The following HMCN1 variants were observed in gnomAD, a reference collection of about 807,000 sequenced individuals.
HMCN1 encodes hemicentin 1.
In HMCN1, 321 loss-of-function variants were observed where a neutral mutation model predicts 625.9. The ratio of observed to expected loss-of-function variants is 0.51; its 90% CI spans 0.47 to 0.56. The LOEUF (loss-of-function observed/expected upper bound fraction) is 0.56, where lower values mean the gene tolerates loss of function less well. HMCN1 is among the 20% of genes least tolerant of loss of function. The pLI, the probability that HMCN1 is intolerant of heterozygous loss-of-function variation, is 0.00. For missense variants in HMCN1, 6,588 were observed against 6,887.3 expected (o/e 0.96, Z 1.54); for synonymous variants, 2,425 against 2,417.6 (o/e 1.00, Z -0.09).
intron 32 of HMCN1, 78 bp downstream of exon 32, chr1:186,016,317 T>C (rs997407279): frequency 1.5e-6 from 2 of 1,367,840 alleles, no homozygotes; most frequent in African/African-American, 2.9e-5. Context: ...TTTTTGTTCA[T>C]GCAATAATAA....
At chr1:185,948,714 G>T (rs1407533669) in intron 11 of HMCN1, among the ~76,000 whole-genome samples, 1 of 151,648 alleles carries the variant, frequency 6.6e-6, no homozygotes, top group Non-Finnish European at 1.5e-5. Context: ...CTTGGCTTGG[G>T]CTCAGAGGCC....
rs181950665 is a variant in HMCN1 at position 185,857,019 on chromosome 1, A to G, written c.340-7451A>G. The stretch of plus-strand genomic sequence containing the variant: ...CAGTGCCGTTCCTACACTGTCTTGT[A>G]TTTAGAAAAGACAGCAAGATAATCT... On this transcript the variant is annotated intron_variant, in intron 2 of 106. Coordinates refer to ENST00000271588, the MANE Select transcript of HMCN1 (RefSeq NM_031935.3). Among the ~76,000 whole-genome samples, 10 of 152,284 alleles carry G rather than the reference A, an allele frequency of 6.6e-5. No individual in the cohort carries two copies. The East Asian group carries it at 1.9e-3, about 29-fold the overall frequency.
At chr1:186,189,428 G>C (rs562495980) in intron 106 of HMCN1, 84 bp from the exon 107 acceptor site, 2 of 1,518,658 alleles carry the variant, frequency 1.3e-6, no homozygotes, top group African/African-American at 2.7e-5. Context: ...GTGCCTAAAA[G>C]TTGTCATGGA....
chr1:186,011,746 T>C (rs772489386), intron 30 of HMCN1, among the ~76,000 whole-genome samples: 3 of 152,188 alleles, frequency 2.0e-5, no homozygotes, highest in Non-Finnish European at 4.4e-5. Context: ...CTGCTTGACA[T>C]TACTTGTGAC....
chr1:186,054,020 G>A, intron 44 of HMCN1, 34 bp downstream of exon 44: 2 of 1,598,342 alleles, frequency 1.3e-6, no homozygotes, highest in Non-Finnish European at 1.7e-6. Flanking sequence ...TTGGCAAAAT[G>A]TTCTCTTAAA....
intron 41 of HMCN1, among the ~76,000 whole-genome samples, chr1:186,048,519 T>C (rs559877010): frequency 6.6e-6 from 1 of 152,204 alleles, no homozygotes; most frequent in Admixed American, 6.6e-5. Flanking sequence ...CAACCCCTAA[T>C]ATAAACCAGA....
chr1:185,831,160 G>A (rs1345775205), intron 1 of HMCN1, among the ~76,000 whole-genome samples: 6 of 151,950 alleles, frequency 3.9e-5, no homozygotes, highest in Non-Finnish European at 7.4e-5. Context: ...AAAATCCTAC[G>A]TAAAATGTTG....
chr1:186,172,751 T>TA (rs1652310501), intron 102 of HMCN1, among the ~76,000 whole-genome samples: 1 of 152,096 alleles, frequency 6.6e-6, no homozygotes, highest in Admixed American at 6.6e-5. Flanking sequence ...TCATTCCTGC[T>TA]AAAAAACACA....
intron 49 of HMCN1, among the ~76,000 whole-genome samples, chr1:186,066,346 C>T (rs1658112341): frequency 6.6e-6 from 1 of 152,056 alleles, no homozygotes; most frequent in Non-Finnish European, 1.5e-5. Context: ...GAATCAAAGC[C>T]CTTTTCCACC....
intron 11 of HMCN1, among the ~76,000 whole-genome samples, chr1:185,952,913 G>T (rs1558090300): frequency 1.3e-5 from 2 of 150,654 alleles, no homozygotes; most frequent in Non-Finnish European, 2.9e-5. Flanking sequence ...AAGAGGTTGG[G>T]GTGCAGAAAT....
At chr1:186,033,750 C>G (rs922976927) in intron 36 of HMCN1, among the ~76,000 whole-genome samples, 1 of 151,908 alleles carries the variant, frequency 6.6e-6, no homozygotes. Flanking sequence ...TATTATGCTT[C>G]TTTTTCTATG....
chr1:186,139,081 G>T (rs1649797600), intron 89 of HMCN1, among the ~76,000 whole-genome samples: 1 of 152,286 alleles, frequency 6.6e-6, no homozygotes, highest in East Asian at 1.9e-4. Context: ...ATCAGAAAAA[G>T]AAATAATGGA....
In HMCN1 at chr1:185,968,070, T is replaced by A. The variant is rs145568141; in HGVS notation, c.2212+2155T>A. Among the ~76,000 whole-genome samples the A allele has an allele frequency of 1.7e-3, 258 of 152,324 alleles. 6 individuals are homozygous for A. In the East Asian group the frequency reaches 0.035, roughly 20 times the overall value. On this transcript the variant is annotated intron_variant, in intron 14 of 106. Transcript: ENST00000271588. ...AAAATATTAAAGAAATTAGATTTAT[T>A]CATTTAGATCTGTTGTTCCTAAAAT...
intron 4 of HMCN1, among the ~76,000 whole-genome samples, chr1:185,893,314 T>C (rs923224325): frequency 3.3e-5 from 5 of 152,342 alleles, no homozygotes; most frequent in African/African-American, 1.2e-4. Context: ...GCTGTTCCTA[T>C]TCGGCCATCT....
chr1:185,901,264 A>AAATCT (rs1665788743), intron 4 of HMCN1, among the ~76,000 whole-genome samples: 1 of 151,750 alleles, frequency 6.6e-6, no homozygotes, highest in Non-Finnish European at 1.5e-5. Context: ...TAGCAGCACA[A>AAATCT]AATCTAAAAA....
intron 11 of HMCN1, among the ~76,000 whole-genome samples, chr1:185,952,982 G>A (rs1269359289): frequency 6.7e-6 from 1 of 150,094 alleles, no homozygotes; most frequent in Non-Finnish European, 1.5e-5. Flanking sequence ...TTGGGGCACA[G>A]GGATAAGAGG....
chr1:185,842,800 A>G (rs189675663), intron 1 of HMCN1, among the ~76,000 whole-genome samples: 2 of 152,082 alleles, frequency 1.3e-5, no homozygotes, highest in South Asian at 2.1e-4. Context: ...GTGTGCATCA[A>G]ATTAAAATTC....
chr1:185,856,554 C>T (rs1408072206), intron 2 of HMCN1, among the ~76,000 whole-genome samples: 1 of 150,130 alleles, frequency 6.7e-6, no homozygotes, highest in Non-Finnish European at 1.5e-5. Flanking sequence ...CTAAATTTTA[C>T]AGGTAAGGGA....
intron 14 of HMCN1, among the ~76,000 whole-genome samples, chr1:185,970,099 C>T (rs2102575576): frequency 6.6e-6 from 1 of 152,312 alleles, no homozygotes; most frequent in East Asian, 1.9e-4. Flanking sequence ...AAGGTATCTT[C>T]AAAGAGCTCC....
Sources: allele counts gnomAD v4.1 joint callset (sites outside exome capture counted in the v4.1 genomes callset), GRCh38; gene constraint gnomAD v4.1.1; transcripts MANE v1.5; gene names NCBI Gene and HGNC (gene_info 2026-07-23, HGNC 2026-07-21).